Variants in ZNF724 observed in about 807,000 individuals in gnomAD.
The protein encoded by ZNF724 is zinc finger protein 724 pseudogene.
Under a neutral mutation model 29.3 loss-of-function variants are expected in ZNF724, and 14 were observed. The ratio of observed to expected loss-of-function variants is 0.48; its 90% confidence interval spans 0.32 to 0.75. The LOEUF is 0.75. Ranked by LOEUF, ZNF724 falls within the 30% of genes least tolerant of loss-of-function variation. The pLI is 0.04. For missense variants in ZNF724, 557 were observed against 571.2 expected, an observed-to-expected ratio of 0.98 and a Z score of 0.25; for synonymous variants, 180 against 193.6, an observed-to-expected ratio of 0.93 and a Z score of 0.58.
intron 3 of ZNF724, 28 bp downstream of exon 3, chr19:23,231,238 G>A: frequency 7.9e-7 from 1 of 1,262,628 alleles, no homozygotes; most frequent in South Asian, 1.3e-5. Context: ...TCTCATCTGT[G>A]TCATCTGTCA....
At chr19:23,230,086 A>G (rs1971909351) in intron 3 of ZNF724, among the ~76,000 whole-genome samples, 1 of 152,198 alleles carries the variant, frequency 6.6e-6, no homozygotes, top group South Asian at 2.1e-4. Context: ...ATACGGTTCC[A>G]TAAACTTAAA....
At position 23,222,685 on chromosome 19, in the gene ZNF724, T is replaced by C. The variant is rs555882757; in HGVS notation, c.1560A>G (p.Thr520=). The C allele has an allele frequency of 2.9e-6, 4 of 1,378,156 alleles. No individual in the cohort carries two copies. In the Admixed American group the frequency reaches 5.1e-5, roughly 17 times the overall value. 85.4% of individuals were successfully genotyped at this position (1,378,156 alleles called of 1,614,324 possible). The part of the protein sequence containing the change: ...ECGKAFNQSS[T]LARHKIIHAG... Reference sequence around the variant, plus strand: ...CATGAATTATCTTATGTCTAGCAAGTGTCGAGGATTGGTTAAAAGCTTTGC... The same window carrying C: ...CATGAATTATCTTATGTCTAGCAAGCGTCGAGGATTGGTTAAAAGCTTTGC... Residue 520 remains threonine (T), a synonymous_variant, in exon 4 of 4, where the codon ACA becomes ACG. Transcript: ENST00000418100.
At chr19:23,237,104 T>C (rs1972034540) in intron 1 of ZNF724, among the ~76,000 whole-genome samples, 1 of 152,092 alleles carries the variant, frequency 6.6e-6, no homozygotes, top group Admixed American at 6.6e-5. Context: ...CTGTCCACCT[T>C]GGCCTCCCAA....
At chr19:23,232,562 T>A (rs1156688092) in intron 1 of ZNF724, among the ~76,000 whole-genome samples, 2 of 152,204 alleles carry the variant, frequency 1.3e-5, no homozygotes, top group African/African-American at 2.4e-5. Context: ...CACAGGCATG[T>A]ACATTCTGGA....
intron 1 of ZNF724, among the ~76,000 whole-genome samples, chr19:23,243,952 TA>T (rs55768621): frequency 0.82 from 116,010 of 141,830 alleles, 47,158 homozygotes; most frequent in South Asian, 0.91. Flanking sequence ...ATTAAATAAA[TA>T]AAAAAAAAAA....
At chr19:23,227,571 C>CAAAAACAA (rs1971859365) in intron 3 of ZNF724, among the ~76,000 whole-genome samples, 1 of 118,988 alleles carries the variant, frequency 8.4e-6, no homozygotes, top group Admixed American at 1.0e-4. Flanking sequence ...AAAAAAAAAA[C>CAAAAACAA]AAAAAAAAAC....
At chr19:23,229,955 G>T (rs1971906721) in intron 3 of ZNF724, among the ~76,000 whole-genome samples, 2 of 152,100 alleles carry the variant, frequency 1.3e-5, no homozygotes, top group African/African-American at 4.8e-5. Context: ...GTAAAAAGTT[G>T]CTGTTTGTAG....
intron 1 of ZNF724, chr19:23,242,746 A>C (rs994314559): frequency 6.8e-6 from 1 of 147,952 alleles, no homozygotes; most frequent in African/African-American, 2.5e-5. Context: ...TAATAATAAT[A>C]ATAATAATAC....
Position 23,232,308 on chromosome 19 carries a change from C to A in ZNF724, c.4-15G>T. On this transcript the variant is annotated splice_polypyrimidine_tract_variant and intron_variant, in intron 1 of 3. Transcript: ENST00000418100. ...GTCAATGGTCCCTGAAAAGTACACA[C>A]ACACATATTTACGAAGTGGCCATGG... The A allele has an allele frequency of 8.4e-7, 1 of 1,192,122 alleles. No homozygotes were observed. Among genetic ancestry groups the A allele is most frequent in the Non-Finnish European group, 1.2e-6 (1 of 805,452 alleles). The allele number at this position is 1,192,122 out of a possible 1,614,324, so 73.8% of individuals were successfully genotyped here.
chr19:23,222,368 C>T lies in ZNF724; in HGVS notation c.*17G>A, dbSNP rs116613145. The T allele has an allele frequency of 1.5e-3, 1,491 of 979,108 alleles. 13 individuals carry two copies. In the African/African-American group the frequency reaches 0.02, roughly 13 times the overall value. The allele number at this position is 979,108 out of a possible 1,614,324, so 60.7% of individuals were successfully genotyped here. On this transcript the variant is annotated 3_prime_UTR_variant, in exon 4 of 4. Coordinates refer to ENST00000418100, the MANE Select transcript of ZNF724 (RefSeq NM_001355404.2). ...CTGGGATTACAGGTGTGAGCCACCA[C>T]GCCTGGTCCATTTTTCTTATTTGTC...
chr19:23,234,490 C>T (rs920315682), intron 1 of ZNF724, among the ~76,000 whole-genome samples: 1 of 151,518 alleles, frequency 6.6e-6, no homozygotes. Context: ...TTGCTCTTGT[C>T]ATCCAGGCTG....
At chr19:23,249,078 T>C (rs1167342030) in intron 1 of ZNF724, among the ~76,000 whole-genome samples, 1 of 151,968 alleles carries the variant, frequency 6.6e-6, no homozygotes, top group Non-Finnish European at 1.5e-5. Flanking sequence ...AGAAAGAATA[T>C]AACTGTACCT....
At chr19:23,244,916 G>A (rs910371877) in intron 1 of ZNF724, among the ~76,000 whole-genome samples, 4 of 152,040 alleles carry the variant, frequency 2.6e-5, no homozygotes, top group African/African-American at 9.7e-5. Context: ...TATGTTGACC[G>A]GATTATTATA....
Position 23,222,441 on chromosome 19 carries a change from A to G in ZNF724, c.1804T>C (p.Cys602Arg). The change falls in exon 4 of 4, where the codon TGC becomes CGC. Residue 602 changes from cysteine to arginine, a missense_variant. Cys to Arg is a radical substitution (Grantham distance 180). Coordinates refer to ENST00000418100, the MANE Select transcript of ZNF724 (RefSeq NM_001355404.2). The stretch of plus-strand genomic sequence containing the variant: ...TTCTTGTGTGTAGTAAGGTTTGAGC[A>G]TTGGTTAAAAGCTTTGCCACATTCT... The part of the protein sequence containing the change: ...CKECGKAFNQ[C>R]SNLTTHKKIH... The G allele has an allele frequency of 7.9e-7, 1 of 1,271,962 alleles. No homozygotes were observed. Among genetic ancestry groups the G allele is most frequent in the Non-Finnish European group, 1.1e-6 (1 of 870,266 alleles). 78.8% of individuals were successfully genotyped at this position (1,271,962 alleles called of 1,614,324 possible).
intron 3 of ZNF724, among the ~76,000 whole-genome samples, chr19:23,228,522 C>T (rs953387040): frequency 8.0e-5 from 12 of 149,336 alleles, no homozygotes; most frequent in Admixed American, 2.7e-4. Flanking sequence ...GGGACTGAGG[C>T]GGGTGTCGAT....
chr19:23,233,425 TG>T (rs1163191244), intron 1 of ZNF724, among the ~76,000 whole-genome samples: 1 of 152,198 alleles, frequency 6.6e-6, no homozygotes, highest in East Asian at 1.9e-4. Context: ...CAAACACAAA[TG>T]GAACTTCAAC....
chr19:23,249,567 T>G (rs1972311501), intron 1 of ZNF724, among the ~76,000 whole-genome samples: 1 of 152,092 alleles, frequency 6.6e-6, no homozygotes, highest in African/African-American at 2.4e-5. Flanking sequence ...CCCGGCTAAT[T>G]TTTTGTATTT....
chr19:23,232,229 G>T lies in ZNF724; in HGVS notation c.68C>A (p.Thr23Asn). 5 of 1,333,112 alleles carry T rather than the reference G, an allele frequency of 3.8e-6. No homozygotes were observed. Among genetic ancestry groups the T allele is most frequent in the Non-Finnish European group, 5.4e-6 (5 of 924,000 alleles). 82.6% of individuals were successfully genotyped at this position (1,333,112 alleles called of 1,614,324 possible). The change falls in exon 2 of 4, where the codon ACT becomes AAT. Residue 23 changes from threonine (T) to asparagine (N), a missense_variant. Thr to Asn is a moderately conservative substitution (Grantham distance 65). This residue lies in a region of ZNF724 where 25 missense variants were observed against 54.9 expected (regional missense o/e 0.46). Coordinates refer to ENST00000418100, the MANE Select transcript of ZNF724 (RefSeq NM_001355404.2). ...FSVEEWQCLD[T>N]AQQNLYRNVM... Reference sequence around the variant, plus strand: ...GTTCCTATATAAATTCTGCTGTGCAGTGTCCAGGCATTGCCACTCCTCCAC... The same window carrying T: ...GTTCCTATATAAATTCTGCTGTGCATTGTCCAGGCATTGCCACTCCTCCAC...
Position 23,222,413 on chromosome 19 carries a change from AT to A in ZNF724, c.1831del (p.Ile611PhefsTer4). The A allele has an allele frequency of 8.3e-7, 1 of 1,201,494 alleles. No individual in the cohort carries two copies. The allele number at this position is 1,201,494 out of a possible 1,614,324, so 74.4% of individuals were successfully genotyped here. A position where few individuals can be genotyped will look rare whatever the true frequency, so the allele number is the denominator to read the frequency against. ...QCSNLTTHKK[I>X]HAVEKSDK is the part of the protein sequence containing the mutation. ...TTTGTCAGATTTTTCTACAGCATGA[AT>A]TTTCTTGTGTGTAGTAAGGTTTGAG... On this transcript the variant is annotated frameshift_variant, in exon 4 of 4. Transcript: ENST00000418100. LOFTEE classifies it high-confidence loss of function.
Sources: allele counts gnomAD v4.1 joint callset (sites outside exome capture counted in the v4.1 genomes callset), GRCh38; gene constraint gnomAD v4.1.1; regional missense constraint gnomAD v4.1.1; transcripts MANE v1.5; gene names NCBI Gene and HGNC (gene_info 2026-07-23, HGNC 2026-07-21).